SAMSN1: variants seen among roughly 807,000 people sequenced by gnomAD.
SAMSN1 encodes SAM domain-containing protein SAMSN-1.
SAMSN1 carries 31 observed loss-of-function variants against 42.0 expected under a neutral mutation model. That is an observed-to-expected ratio of 0.74 (90% CI 0.55 to 1.00). The LOEUF (loss-of-function observed/expected upper bound fraction) is 1.00. Ranked by LOEUF, SAMSN1 falls within the 50% of genes least tolerant of loss-of-function variation. SAMSN1 has a pLI of 0.00. For missense variants in SAMSN1, 464 were observed against 439.4 expected, an observed-to-expected ratio of 1.06 and a Z score of -0.50; for synonymous variants, 178 against 151.9, an observed-to-expected ratio of 1.17 and a Z score of -1.26.
chr21:14,602,447 C>T (rs937327881), intron 5 of SAMSN1, among the ~76,000 whole-genome samples: 8 of 152,122 alleles, frequency 5.3e-5, no homozygotes, highest in African/African-American at 1.9e-4. Context: ...CAGTTATCAC[C>T]TCACCTGTTT....
upstream of SAMSN1, among the ~76,000 whole-genome samples, chr21:14,584,326 A>G (rs1156841315): frequency 6.6e-6 from 1 of 152,248 alleles, no homozygotes. Flanking sequence ...TTTCTAGAAG[A>G]TATGCACTAA....
intron 1 of SAMSN1, among the ~76,000 whole-genome samples, chr21:14,543,012 C>G (rs900243219): frequency 6.6e-6 from 1 of 152,072 alleles, no homozygotes; most frequent in Non-Finnish European, 1.5e-5. Context: ...GTTAAGCAAG[C>G]CTATTTTTAA....
chr21:14,620,182 A>G (rs1467490885), intron 2 of SAMSN1, among the ~76,000 whole-genome samples: 1 of 152,142 alleles, frequency 6.6e-6, no homozygotes, highest in African/African-American at 2.4e-5. Context: ...CTTCACTTCA[A>G]GATAGTCAAT....
At chr21:14,575,096 A>C (rs1981416876) in intron 2 of SAMSN1, among the ~76,000 whole-genome samples, 1 of 152,132 alleles carries the variant, frequency 6.6e-6, no homozygotes, top group African/African-American at 2.4e-5. Context: ...CTAAGCTCTC[A>C]AGTTCATAGA....
At chr21:14,621,902 G>T (rs1983020751) in intron 2 of SAMSN1, among the ~76,000 whole-genome samples, 1 of 152,180 alleles carries the variant, frequency 6.6e-6, no homozygotes, top group South Asian at 2.1e-4. Flanking sequence ...ACCCCACATG[G>T]CTGGGTACCC....
At chr21:14,624,690 A>C (rs938415110) in intron 2 of SAMSN1, among the ~76,000 whole-genome samples, 23 of 152,260 alleles carry the variant, frequency 1.5e-4, no homozygotes, top group African/African-American at 5.3e-4. Flanking sequence ...CCAAATACTA[A>C]CAGAGGTAAA....
At chr21:14,625,741 C>CTACT (rs1395188006) in intron 2 of SAMSN1, among the ~76,000 whole-genome samples, 1 of 152,186 alleles carries the variant, frequency 6.6e-6, no homozygotes, top group East Asian at 1.9e-4. Flanking sequence ...CCCCATCAAG[C>CTACT]TACCAATGAC....
chr21:14,609,438 C>T (rs1345576595), intron 5 of SAMSN1: 1 of 716,854 alleles, frequency 1.4e-6, no homozygotes, highest in Non-Finnish European at 2.6e-6. Flanking sequence ...CTTTAAACTA[C>T]TTTGGGAAAA....
chr21:14,554,698 CTTTTTTTTTT>C lies in SAMSN1; in HGVS notation c.261+27428_261+27437del, dbSNP rs34880996. 2.6e-4 allele frequency among the ~76,000 whole-genome samples: 34 copies of C among 130,518 alleles called. 1 individual carries two copies. The highest frequency in any genetic ancestry group is 9.2e-4 in the African/African-American group (32 of 34,762). The allele number at this position is 130,518 out of a possible 152,430, so 85.6% of individuals were successfully genotyped here. A position where few individuals can be genotyped will look rare whatever the true frequency, so the allele number is the denominator to read the frequency against. On this transcript the variant is annotated intron_variant, in intron 2 of 8. Coordinates refer to the SAMSN1 transcript ENST00000285670. ...CAGTTAAGTCTTTTGTTTTCTTTTT[CTTTTTTTTTT>C]TTTTTTTTGAGACAAAGTCTTCCTC...
chr21:14,569,968 G>A (rs149531572), intron 2 of SAMSN1, among the ~76,000 whole-genome samples: 8 of 137,572 alleles, frequency 5.8e-5, no homozygotes, highest in Non-Finnish European at 1.2e-4. Context: ...TAAAACTGTG[G>A]TGTCTTTAAC....
Position 14,510,025 on chromosome 21 carries a change from G to A in SAMSN1, c.561+285C>T, listed in dbSNP as rs1399204258. On this transcript the variant is annotated intron_variant, in intron 5 of 7. Coordinates refer to ENST00000400566, the MANE Select transcript of SAMSN1 (RefSeq NM_022136.5). ...GTGGTGGCGGGCGCCTGTAGTCCCA[G>A]CTACTCGGGAGGCTGAGGCAGGAGA... Among the ~76,000 whole-genome samples, 5 of 152,136 alleles carry A rather than the reference G, an allele frequency of 3.3e-5. No homozygotes were observed. The East Asian group carries it at 7.7e-4, about 24-fold the overall frequency.
intron 1 of SAMSN1, among the ~76,000 whole-genome samples, chr21:14,535,696 A>T (rs1979564243): frequency 6.6e-6 from 1 of 152,224 alleles, no homozygotes; most frequent in African/African-American, 2.4e-5. Context: ...TTGGACACAC[A>T]GAGAGAGACA....
chr21:14,609,558 A>C, exon 5 of SAMSN1: 1 of 717,972 alleles, frequency 1.4e-6, no homozygotes, highest in Non-Finnish European at 2.6e-6. Flanking sequence ...TGTCATTCAC[A>C]GTTTTTCCTT....
chr21:14,532,642 T>C (rs1979341548), intron 1 of SAMSN1, among the ~76,000 whole-genome samples: 1 of 152,216 alleles, frequency 6.6e-6, no homozygotes, highest in African/African-American at 2.4e-5. Flanking sequence ...TAATGTTCAA[T>C]AATTGTAGAA....
At chr21:14,623,011 A>G (rs923741383) in intron 2 of SAMSN1, among the ~76,000 whole-genome samples, 8 of 152,228 alleles carry the variant, frequency 5.3e-5, no homozygotes, top group African/African-American at 1.9e-4. Flanking sequence ...TTTCATATCC[A>G]GTCAAACCAA....
intron 2 of SAMSN1, among the ~76,000 whole-genome samples, chr21:14,622,191 T>A (rs182186419): frequency 2.0e-5 from 3 of 152,308 alleles, no homozygotes; most frequent in African/African-American, 4.8e-5. Flanking sequence ...GCAGAAAAGC[T>A]GAAAATTCTA....
chr21:14,564,225 C>T (rs991342801), intron 2 of SAMSN1, among the ~76,000 whole-genome samples: 1 of 152,062 alleles, frequency 6.6e-6, no homozygotes, highest in African/African-American at 2.4e-5. Context: ...TTTATGGAGA[C>T]GCCGATGGAG....
At chr21:14,546,339 C>T (rs929664124), upstream of SAMSN1, 27 of 1,587,686 alleles carry the variant, frequency 1.7e-5, no homozygotes, top group Non-Finnish European at 2.1e-5. Context: ...AGTGTGCTGT[C>T]TAATGCACAG....
chr21:14,572,960 A>G (rs1981347058), intron 2 of SAMSN1, among the ~76,000 whole-genome samples: 1 of 152,202 alleles, frequency 6.6e-6, no homozygotes, highest in African/African-American at 2.4e-5. Flanking sequence ...CTACATATAA[A>G]ATAGAAATAA....
Sources: gnomAD v4.1 joint callset for allele counts (sites outside exome capture counted in the v4.1 genomes callset) on GRCh38, gnomAD v4.1.1 for gene constraint, MANE v1.5 for transcripts, NCBI Gene and HGNC (gene_info 2026-07-23, HGNC 2026-07-21) for gene names.